Variants in HDHD5 observed in about 807,000 individuals in gnomAD.
The protein encoded by HDHD5 is haloacid dehalogenase-like hydrolase domain-containing 5.
In HDHD5, 34 loss-of-function variants were observed where a neutral mutation model predicts 35.5. The observed-to-expected ratio is 0.96, with a 90% confidence interval of 0.73 to 1.28. HDHD5 has a LOEUF of 1.28. Ranked by LOEUF, HDHD5 falls within the 50% of genes most tolerant of loss-of-function variation. The pLI, the probability that HDHD5 is intolerant of heterozygous loss-of-function variation, is 0.00. For synonymous variants in HDHD5, 248 were observed against 240.6 expected (o/e 1.03, Z -0.29); for missense variants, 589 against 560.2 (o/e 1.05, Z -0.52).
chr22:17,141,689 G>A lies in HDHD5; in HGVS notation c.572-456C>T, dbSNP rs966931077. On this transcript the variant is annotated intron_variant, in intron 5 of 7. Coordinates refer to ENST00000336737, the MANE Select transcript of HDHD5 (RefSeq NM_033070.3). ...CTTGAAACCCAACCTGGACTCCACC[G>A]ATTCTCCTGTATGACTGTGGCCAAG... 56 of 885,708 alleles carry A rather than the reference G, an allele frequency of 6.3e-5. No individual in the cohort carries two copies. In the African/African-American group the frequency reaches 9.4e-4, roughly 15 times the overall value. 54.9% of individuals were successfully genotyped at this position (885,708 alleles called of 1,614,324 possible). A position where few individuals can be genotyped will look rare whatever the true frequency, so the allele number is the denominator to read the frequency against.
At chr22:17,148,063 C>G (rs907246987) in intron 3 of HDHD5, among the ~76,000 whole-genome samples, 1 of 152,206 alleles carries the variant, frequency 6.6e-6, no homozygotes, top group Non-Finnish European at 1.5e-5. Flanking sequence ...AATAAACTGA[C>G]TGGGCACCCC....
Position 17,143,218 on chromosome 22 carries a change from G to C in HDHD5, c.538-87C>G. 3 of 1,460,624 alleles carry C rather than the reference G, an allele frequency of 2.1e-6. No individual in the cohort carries two copies. In the Admixed American group the frequency reaches 6.1e-5, roughly 30 times the overall value. 90.5% of individuals were successfully genotyped at this position (1,460,624 alleles called of 1,614,324 possible). A position where few individuals can be genotyped will look rare whatever the true frequency, so the allele number is the denominator to read the frequency against. ...ACCCCACCTCCAGGGTGCTGGGAGG[G>C]GAGGGGAGACACACTCCACAGACCC... On this transcript the variant is annotated intron_variant, in intron 4 of 7. Coordinates refer to ENST00000336737, the MANE Select transcript of HDHD5 (RefSeq NM_033070.3).
chr22:17,149,424 A>G (rs906440057), intron 2 of HDHD5, 118 bp downstream of exon 2: 15 of 890,220 alleles, frequency 1.7e-5, no homozygotes, highest in Admixed American at 4.5e-5. Flanking sequence ...AGCTGTGGCC[A>G]TGACCTAGGA....
At chr22:17,162,565 G>C (rs545485553), upstream of HDHD5, among the ~76,000 whole-genome samples, 1 of 152,348 alleles carries the variant, frequency 6.6e-6, no homozygotes, top group East Asian at 1.9e-4. Context: ...AGTTGGTTTG[G>C]TTTGTTTGTC....
chr22:17,140,976 C>T (rs1196941362), intron 6 of HDHD5, 83 bp downstream of exon 6: 15 of 1,319,746 alleles, frequency 1.1e-5, no homozygotes, highest in African/African-American at 6.1e-5. Flanking sequence ...GGTGTCAGGA[C>T]GGATGGGAAC....
At chr22:17,162,760 T>A (rs763863205), upstream of HDHD5, among the ~76,000 whole-genome samples, 1 of 152,170 alleles carries the variant, frequency 6.6e-6, no homozygotes, top group African/African-American at 2.4e-5. Flanking sequence ...GTTAAAGAGT[T>A]TGCACTTCCA....
chr22:17,159,582 C>G (rs192268081), upstream of HDHD5: 2 of 429,710 alleles, frequency 4.7e-6, no homozygotes, highest in African/African-American at 2.1e-5. Context: ...CCAGGCCGGC[C>G]TCCCTCAGCT....
At chr22:17,147,495 C>A (rs1334268737) in intron 3 of HDHD5, among the ~76,000 whole-genome samples, 10 of 109,932 alleles carry the variant, frequency 9.1e-5, no homozygotes, top group East Asian at 5.6e-4. Context: ...GTGAGCTTAC[C>A]GGCCTTCGAT....
intron 1 of HDHD5, among the ~76,000 whole-genome samples, chr22:17,152,264 T>C (rs974895908): frequency 3.7e-5 from 5 of 133,822 alleles, no homozygotes; most frequent in African/African-American, 1.5e-4. Flanking sequence ...AAAGACTGCA[T>C]TGGGTGGACT....
At chr22:17,156,933 CTGGG>C (rs2061799382) in intron 1 of HDHD5, among the ~76,000 whole-genome samples, 2 of 151,964 alleles carry the variant, frequency 1.3e-5, no homozygotes, top group African/African-American at 4.8e-5. Context: ...CAAAAATTAG[CTGGG>C]CGTGGTGGCA....
At chr22:17,139,761 C>T (rs1231184752) in intron 6 of HDHD5, among the ~76,000 whole-genome samples, 6 of 152,112 alleles carry the variant, frequency 3.9e-5, no homozygotes, top group South Asian at 2.1e-4. Flanking sequence ...TTAGTAGAGA[C>T]GGGGTTTTGC....
intron 3 of HDHD5, among the ~76,000 whole-genome samples, chr22:17,146,335 A>G (rs971504811): frequency 6.7e-6 from 1 of 149,390 alleles, no homozygotes; most frequent in Non-Finnish European, 1.5e-5. Flanking sequence ...CTTCAATCAC[A>G]TGCCATCGCA....
At chr22:17,145,551 G>T (rs2123858572) in intron 3 of HDHD5, among the ~76,000 whole-genome samples, 1 of 152,246 alleles carries the variant, frequency 6.6e-6, no homozygotes, top group East Asian at 1.9e-4. Context: ...AATAAAGTCA[G>T]CTAGGCATGG....
upstream of HDHD5, among the ~76,000 whole-genome samples, chr22:17,164,002 C>T (rs1203154566): frequency 1.3e-5 from 2 of 152,172 alleles, no homozygotes; most frequent in African/African-American, 2.4e-5. Flanking sequence ...GGGCAGATCA[C>T]CTGAGGTCAG....
chr22:17,149,698 C>T lies in HDHD5; in HGVS notation c.174G>A (p.Val58=), dbSNP rs1221185960. 4 of 1,613,978 alleles carry T rather than the reference C, an allele frequency of 2.5e-6. No homozygotes were observed. In the African/African-American group the frequency reaches 5.3e-5, roughly 22 times the overall value. ...CAGCAGGGATCACTCTGTGGCCCCG[C>T]ACAAGCACTCCATCGATGTCCAACA... is the stretch of plus-strand genomic sequence containing the variant. ...GFLLDIDGVL[V]RGHRVIPAAL... The change falls in exon 2 of 8, where the codon GTG becomes GTA. Residue 58 remains valine (V), a synonymous_variant. Transcript: ENST00000336737.
intron 1 of HDHD5, among the ~76,000 whole-genome samples, chr22:17,151,157 T>C (rs1450444215): frequency 6.6e-6 from 1 of 152,236 alleles, no homozygotes; most frequent in Non-Finnish European, 1.5e-5. Flanking sequence ...TTTTCACAAC[T>C]GTTAATTATC....
At chr22:17,144,627 T>C (rs997700035) in intron 4 of HDHD5, among the ~76,000 whole-genome samples, 1 of 152,176 alleles carries the variant, frequency 6.6e-6, no homozygotes, top group Non-Finnish European at 1.5e-5. Context: ...TTGGCCAGGC[T>C]GGTCTGGAAC....
intron 1 of HDHD5, among the ~76,000 whole-genome samples, chr22:17,157,814 T>G (rs1384973375): frequency 6.6e-6 from 1 of 152,208 alleles, no homozygotes; most frequent in Non-Finnish European, 1.5e-5. Flanking sequence ...GAGCTTAGAC[T>G]CTGGCACCAG....
At chr22:17,144,130 G>A (rs1225039215) in intron 4 of HDHD5, among the ~76,000 whole-genome samples, 1 of 152,252 alleles carries the variant, frequency 6.6e-6, no homozygotes, top group Non-Finnish European at 1.5e-5. Flanking sequence ...GGCAGCACTG[G>A]GAAGGCCAGC....
Sources: gnomAD v4.1 joint callset for allele counts (sites outside exome capture counted in the v4.1 genomes callset) on GRCh38, gnomAD v4.1.1 for gene constraint, MANE v1.5 for transcripts, NCBI Gene and HGNC (gene_info 2026-07-23, HGNC 2026-07-21) for gene names.